Variants in FGD3 observed in about 807,000 individuals in gnomAD.
FGD3 encodes the protein FYVE, RhoGEF and PH domain-containing protein 3.
FGD3 carries 45 observed loss-of-function variants against 71.8 expected under a neutral mutation model. The observed-to-expected ratio is 0.63, with a 90% confidence interval of 0.49 to 0.80. The LOEUF is 0.80. Among genes scored for constraint, FGD3 ranks in the 30% least tolerant of loss-of-function variants. The pLI is 0.00. For missense variants in FGD3, 844 were observed against 951.5 expected (o/e 0.89, Z 1.49); for synonymous variants, 378 against 392.8 (o/e 0.96, Z 0.44).
intron 14 of FGD3, 136 bp downstream of exon 14, chr9:93,022,525 G>A: frequency 2.4e-6 from 2 of 841,934 alleles, no homozygotes; most frequent in African/African-American, 1.7e-5. Context: ...GGGCCAGTCT[G>A]CCCTGCTCAC....
intron 1 of FGD3, among the ~76,000 whole-genome samples, chr9:92,950,580 G>A (rs1252211016): frequency 1.3e-5 from 2 of 152,276 alleles, no homozygotes; most frequent in East Asian, 1.9e-4. Flanking sequence ...GGACTGTTCC[G>A]TGCGGATTCT....
Position 93,018,154 on chromosome 9 carries a change from C to T in FGD3, c.1294C>T (p.Pro432Ser). ...SGLQVQDIVK[P>S]NTAHTFIITG... ...CCTTCAGGTGCAGGATATCGTCAAG[C>T]CAAACACAGCACATACATTCATCAT... The change falls in exon 11 of 18, where the codon CCA becomes TCA. Residue 432 changes from proline to serine, a missense_variant. Pro to Ser is a moderately conservative substitution (Grantham distance 74). Transcript: ENST00000375482. The T allele has an allele frequency of 6.2e-7, 1 of 1,614,140 alleles. No individual in the cohort carries two copies. The highest frequency in any genetic ancestry group is 1.7e-5 in the Admixed American group (1 of 59,996).
chr9:92,962,631 G>A lies in FGD3; in HGVS notation c.-217-12607G>A, dbSNP rs144149487. Among the ~76,000 whole-genome samples the A allele has an allele frequency of 2.5e-3, 382 of 152,320 alleles. 1 individual carries two copies. Among genetic ancestry groups the A allele is most frequent in the African/African-American group, 8.5e-3 (352 of 41,562 alleles). ...ACATTTTCTCCATTTCATGGAGGAA[G>A]AATGGAGTCTTCAAGAAGTTCATCA... On this transcript the variant is annotated intron_variant, in intron 1 of 17. Transcript: ENST00000375482.
At chr9:93,021,193 G>C (rs373826677) in intron 13 of FGD3, among the ~76,000 whole-genome samples, 1 of 152,178 alleles carries the variant, frequency 6.6e-6, no homozygotes, top group Non-Finnish European at 1.5e-5. Flanking sequence ...CAGTGCCCCC[G>C]TGCCCTGGGA....
chr9:93,004,210 G>A, intron 5 of FGD3, 73 bp downstream of exon 5: 1 of 1,576,886 alleles, frequency 6.3e-7, no homozygotes, highest in Non-Finnish European at 8.6e-7. Flanking sequence ...GCCTGAGAGC[G>A]AGGCAAGTGC....
chr9:93,014,802 C>T (rs1354395292), intron 9 of FGD3, among the ~76,000 whole-genome samples: 8 of 151,970 alleles, frequency 5.3e-5, no homozygotes, highest in South Asian at 2.1e-4. Flanking sequence ...CCACCACGCC[C>T]GGCTAATTTT....
chr9:93,011,929 C>T (rs1277807602), intron 8 of FGD3, among the ~76,000 whole-genome samples: 43 of 151,050 alleles, frequency 2.8e-4, no homozygotes, highest in Non-Finnish European at 5.5e-4. Context: ...GAGGCCGAGG[C>T]GGGTGGATCA....
At chr9:93,015,638 A>T in intron 9 of FGD3, 99 bp from the exon 10 acceptor site, 1 of 676,672 alleles carries the variant, frequency 1.5e-6, no homozygotes, top group Non-Finnish European at 2.5e-6. Flanking sequence ...TTATAACATT[A>T]AAAAAAAATG....
chr9:92,991,292 T>G (rs894435814), intron 3 of FGD3, among the ~76,000 whole-genome samples: 1 of 152,174 alleles, frequency 6.6e-6, no homozygotes, highest in African/African-American at 2.4e-5. Flanking sequence ...TTTCCCAGGC[T>G]GGTTTCAAAC....
intron 5 of FGD3, among the ~76,000 whole-genome samples, chr9:93,004,527 C>G (rs1204379202): frequency 6.6e-6 from 1 of 152,180 alleles, no homozygotes; most frequent in Non-Finnish European, 1.5e-5. Context: ...CAACAGTGGA[C>G]CTCAGATCCT....
At chr9:93,002,877 C>T in intron 3 of FGD3, 48 bp from the exon 4 acceptor site, 2 of 1,591,508 alleles carry the variant, frequency 1.3e-6, no homozygotes, top group Non-Finnish European at 1.7e-6. Flanking sequence ...GGTGCCGATT[C>T]CCCAAGGCTC....
chr9:93,016,278 C>T (rs1468455532), intron 10 of FGD3, among the ~76,000 whole-genome samples: 2 of 151,840 alleles, frequency 1.3e-5, no homozygotes, highest in African/African-American at 4.8e-5. Flanking sequence ...TGTCCTCCTG[C>T]ACCGGAGCCG....
intron 15 of FGD3, among the ~76,000 whole-genome samples, chr9:93,030,952 TTGA>T (rs1862334007): frequency 6.6e-6 from 1 of 151,590 alleles, no homozygotes; most frequent in Admixed American, 6.6e-5. Flanking sequence ...GACTGGAGAA[TTGA>T]TGGATGGATG....
rs913899817 is a variant in FGD3, at chr9:93,029,754, C to A, written c.1558-120C>A. ...TTCACTTCATTCCCTTCTGCATGTTCCACTTTTTGCCTTGAGCCTGTGTGG... is the reference window on the plus strand; with the variant it reads ...TTCACTTCATTCCCTTCTGCATGTTACACTTTTTGCCTTGAGCCTGTGTGG... On this transcript the variant is annotated intron_variant, in intron 14 of 17. Coordinates refer to ENST00000375482, the MANE Select transcript of FGD3 (RefSeq NM_001083536.2). 9.7e-6 allele frequency: 13 copies of A among 1,343,238 alleles called. No individual in the cohort carries two copies. The African/African-American group carries it at 1.6e-4, about 16-fold the overall frequency. 83.2% of individuals were successfully genotyped at this position (1,343,238 alleles called of 1,614,324 possible).
chr9:93,035,833 A>AG lies in FGD3; in HGVS notation c.*248dup. The AG allele has an allele frequency of 2.0e-6, 1 of 510,186 alleles. No individual in the cohort carries two copies. The highest frequency in any genetic ancestry group is 3.8e-5 in the Admixed American group (1 of 26,090). 31.6% of individuals were successfully genotyped at this position (510,186 alleles called of 1,614,324 possible). ...CAGCCCCAGCAGTGTGGCCCAGAGC[A>AG]GGGGCCGACTGCCAAAGTAACCATC... On this transcript the variant is annotated 3_prime_UTR_variant, in exon 18 of 18. Transcript: ENST00000375482.
intron 1 of FGD3, among the ~76,000 whole-genome samples, chr9:92,952,658 C>T (rs1858976804): frequency 6.6e-6 from 1 of 151,944 alleles, no homozygotes; most frequent in South Asian, 2.1e-4. Context: ...CCCTCCTTCC[C>T]CCTCTTTCTC....
Position 93,020,313 on chromosome 9 carries a change from C to G in FGD3, c.1387-4C>G, listed in dbSNP as rs1450853524. On this transcript the variant is annotated splice_region_variant and splice_polypyrimidine_tract_variant and intron_variant, in intron 12 of 17. Coordinates refer to ENST00000375482, the MANE Select transcript of FGD3 (RefSeq NM_001083536.2). Reference sequence around the variant, plus strand: ...AGTCCTCACTGTTGTGTTGCTGTGTCCAGATCATCCAGGCCACCATCGAGA... The same window carrying G: ...AGTCCTCACTGTTGTGTTGCTGTGTGCAGATCATCCAGGCCACCATCGAGA... 6.2e-7 allele frequency: 1 copy of G among 1,609,662 alleles called. No individual in the cohort carries two copies. The highest frequency in any genetic ancestry group is 8.5e-7 in the Non-Finnish European group (1 of 1,178,078).
Position 92,976,395 on chromosome 9 carries a change from G to A in FGD3, c.139G>A (p.Val47Ile). The A allele has an allele frequency of 1.2e-6, 2 of 1,610,894 alleles. No homozygotes were observed. The highest frequency in any genetic ancestry group is 8.5e-7 in the Non-Finnish European group (1 of 1,179,048). The change falls in exon 3 of 18, where the codon GTC (valine) becomes ATC (isoleucine). Residue 47 changes from valine to isoleucine, a missense_variant. Val to Ile is a conservative substitution (Grantham distance 29). Coordinates refer to ENST00000375482, the MANE Select transcript of FGD3 (RefSeq NM_001083536.2). ...VGPRAHCGDP[V>I]SLAAAGDGSP... The stretch of plus-strand genomic sequence containing the variant: ...GCCCAGAGCCCACTGTGGGGACCCT[G>A]TCAGCCTGGCTGCAGCAGGGGACGG...
intron 3 of FGD3, among the ~76,000 whole-genome samples, chr9:92,997,748 G>A (rs939408152): frequency 6.6e-6 from 1 of 152,116 alleles, no homozygotes; most frequent in African/African-American, 2.4e-5. Flanking sequence ...AGTTTGGCTG[G>A]ATATGAAATT....
Sources: gnomAD v4.1 joint callset for allele counts (sites outside exome capture counted in the v4.1 genomes callset) on GRCh38, gnomAD v4.1.1 for gene constraint, MANE v1.5 for transcripts, NCBI Gene and HGNC (gene_info 2026-07-23, HGNC 2026-07-21) for gene names.